RTTN: variants seen among roughly 807,000 people sequenced by gnomAD.
RTTN encodes rotatin.
A neutral mutation model predicts 269.2 loss-of-function variants in RTTN; 182 were observed. The observed-to-expected ratio is 0.68, with a 90% CI of 0.60 to 0.76. The LOEUF is 0.76. Ranked by LOEUF, RTTN falls within the 30% of genes least tolerant of loss-of-function variation. The pLI is 0.00. For synonymous variants in RTTN, 1,006 were observed against 963.5 expected, an observed-to-expected ratio of 1.04 and a Z score of -0.82; for missense variants, 2,545 against 2,608.6, an observed-to-expected ratio of 0.98 and a Z score of 0.53.
At chr18:70,148,761 C>A (rs940619068) in intron 17 of RTTN, 140 bp downstream of exon 17, 1 of 937,530 alleles carries the variant, frequency 1.1e-6, no homozygotes, top group African/African-American at 1.7e-5. Flanking sequence ...TGCTTAGTTT[C>A]ACGCATTGGT....
At chr18:70,111,782 C>A (rs1333349480) in intron 27 of RTTN, among the ~76,000 whole-genome samples, 1 of 152,088 alleles carries the variant, frequency 6.6e-6, no homozygotes, top group African/African-American at 2.4e-5. Context: ...GGCCAACATT[C>A]CAATTCAGGA....
At chr18:70,118,892 A>T (rs1012533793) in intron 26 of RTTN, among the ~76,000 whole-genome samples, 1 of 152,164 alleles carries the variant, frequency 6.6e-6, no homozygotes, top group African/African-American at 2.4e-5. Flanking sequence ...ACATCCTTTC[A>T]TAATAAAAAC....
chr18:70,016,865 A>G (rs1431481583), intron 46 of RTTN, among the ~76,000 whole-genome samples: 3 of 152,122 alleles, frequency 2.0e-5, no homozygotes, highest in East Asian at 1.9e-4. Context: ...TCCTGACCCC[A>G]TAAGAGCTTA....
At chr18:70,165,814 T>A (rs945010881) in intron 14 of RTTN, among the ~76,000 whole-genome samples, 1 of 152,212 alleles carries the variant, frequency 6.6e-6, no homozygotes, top group Non-Finnish European at 1.5e-5. Flanking sequence ...AATTTTTCCA[T>A]CATTAATACA....
intron 32 of RTTN, among the ~76,000 whole-genome samples, chr18:70,082,926 C>G (rs2058609010): frequency 6.6e-6 from 1 of 152,082 alleles, no homozygotes; most frequent in Non-Finnish European, 1.5e-5. Context: ...CTCCTGGGCT[C>G]AAGTGATCCT....
chr18:70,057,913 T>C, intron 36 of RTTN, 81 bp from the exon 37 acceptor site: 1 of 948,334 alleles, frequency 1.1e-6, no homozygotes, highest in South Asian at 1.5e-5. Flanking sequence ...ATTTGAAGTT[T>C]AAAGGTAACT....
chr18:70,064,452 C>T (rs866929034), intron 35 of RTTN, among the ~76,000 whole-genome samples: 10 of 151,868 alleles, frequency 6.6e-5, no homozygotes, highest in Non-Finnish European at 8.8e-5. Flanking sequence ...GCCTATATCA[C>T]GTGATGAATG....
chr18:70,088,740 G>C (rs1357834869), intron 30 of RTTN, among the ~76,000 whole-genome samples: 1 of 152,086 alleles, frequency 6.6e-6, no homozygotes, highest in Non-Finnish European at 1.5e-5. Context: ...TAGTTTCAAT[G>C]ACAGCTATAG....
intron 27 of RTTN, among the ~76,000 whole-genome samples, chr18:70,110,836 C>G (rs1314908482): frequency 1.3e-5 from 2 of 152,212 alleles, no homozygotes; most frequent in African/African-American, 4.8e-5. Context: ...GCCAGCACAG[C>G]AGCAGTCTGA....
intron 28 of RTTN, among the ~76,000 whole-genome samples, chr18:70,102,008 A>G (rs1461643442): frequency 6.6e-6 from 1 of 152,186 alleles, no homozygotes; most frequent in Non-Finnish European, 1.5e-5. Context: ...TATGTGGTCA[A>G]TTTTGGAATA....
intron 35 of RTTN, 115 bp from the exon 36 acceptor site, chr18:70,060,157 T>C (rs985316423): frequency 1.1e-6 from 1 of 950,808 alleles, no homozygotes; most frequent in African/African-American, 1.7e-5. Flanking sequence ...AGTTGGGGAA[T>C]TGCCTTAGCT....
intron 28 of RTTN, among the ~76,000 whole-genome samples, chr18:70,102,260 C>A (rs2059189380): frequency 6.6e-6 from 1 of 152,208 alleles, no homozygotes; most frequent in African/African-American, 2.4e-5. Context: ...CTGGGTGCTC[C>A]TGTACTGGGT....
chr18:70,133,711 T>C (rs1308385138), intron 23 of RTTN, among the ~76,000 whole-genome samples: 1 of 152,014 alleles, frequency 6.6e-6, no homozygotes, highest in Non-Finnish European at 1.5e-5. Context: ...TTTGGGGTGG[T>C]AGAAGGTAAT....
intron 36 of RTTN, among the ~76,000 whole-genome samples, chr18:70,059,114 T>C (rs2057903835): frequency 6.6e-6 from 1 of 152,022 alleles, no homozygotes; most frequent in Admixed American, 6.6e-5. Flanking sequence ...AAAAGAGAAG[T>C]AATACTTAAG....
At chr18:70,169,112 A>G (rs2061068659) in intron 11 of RTTN, 45 bp from the exon 12 acceptor site, 1 of 1,443,508 alleles carries the variant, frequency 6.9e-7, no homozygotes, top group Admixed American at 2.3e-5. Flanking sequence ...TTGTTTAAAA[A>G]AAACTTATTT....
Position 70,167,008 on chromosome 18 carries a change from T to C in RTTN, c.1713A>G (p.Leu571=). 1 of 1,612,310 alleles carries C rather than the reference T, an allele frequency of 6.2e-7. No homozygotes were observed. The highest frequency in any genetic ancestry group is 1.1e-5 in the South Asian group (1 of 90,994). The part of the protein sequence containing the change: ...GKEGEKNLLE[L]VELADQALRS... ...GCAAGGCTTGGTCTGCCAGCTCCAC[T>C]AATTCTAAGAGATTCTTCTCTCCCT... is the stretch of plus-strand genomic sequence containing the variant. Residue 571 remains leucine, a synonymous_variant, in exon 13 of 49, where the codon TTA becomes TTG. Transcript: ENST00000640769.
intron 14 of RTTN, among the ~76,000 whole-genome samples, chr18:70,153,023 C>T (rs773498264): frequency 1.3e-5 from 2 of 152,152 alleles, no homozygotes; most frequent in African/African-American, 2.4e-5. Context: ...TCTTTTTGTT[C>T]GTGAAACACG....
intron 40 of RTTN, among the ~76,000 whole-genome samples, chr18:70,044,900 A>C (rs966018318): frequency 6.6e-6 from 1 of 152,192 alleles, no homozygotes; most frequent in Non-Finnish European, 1.5e-5. Flanking sequence ...GGAATTTTCC[A>C]TTTAATATTT....
At chr18:70,189,392 A>G (rs376414597) in intron 9 of RTTN, among the ~76,000 whole-genome samples, 1 of 152,222 alleles carries the variant, frequency 6.6e-6, no homozygotes, top group African/African-American at 2.4e-5. Context: ...CATGGGACTT[A>G]AAGAACCATT....
Sources: gnomAD v4.1 joint callset for allele counts (sites outside exome capture counted in the v4.1 genomes callset) on GRCh38, gnomAD v4.1.1 for gene constraint, MANE v1.5 for transcripts, NCBI Gene and HGNC (gene_info 2026-07-23, HGNC 2026-07-21) for gene names.